The following POLR1C variants were observed in gnomAD, a reference collection of about 807,000 sequenced individuals.
POLR1C encodes RNA polymerase I and III subunit C.
POLR1C carries 42 observed loss-of-function variants against 38.3 expected under a neutral mutation model. That is an observed-to-expected ratio of 1.10 (90% CI 0.86 to 1.42). POLR1C has a LOEUF of 1.42. POLR1C is among the 40% of genes most tolerant of loss of function. The probability of loss-of-function intolerance (pLI) is 0.00; values close to 1 mark genes in which losing one functional copy is unlikely to be tolerated. For synonymous variants in POLR1C, 163 were observed against 163.9 expected, an observed-to-expected ratio of 0.99 and a Z score of 0.04; for missense variants, 507 against 450.5, an observed-to-expected ratio of 1.13 and a Z score of -1.14.
chr6:43,548,133 A>G (rs1795053692), intron 9 of POLR1C: 4 of 953,106 alleles, frequency 4.2e-6, no homozygotes, highest in Non-Finnish European at 6.1e-6. Context: ...CTTTTAGAGA[A>G]CTTCAGATAT....
rs888334484 is a variant in POLR1C at position 43,517,326 on chromosome 6, C to T, written c.90C>T (p.Pro30=). 3.1e-6 allele frequency: 5 copies of T among 1,614,088 alleles called. No homozygotes were observed. Among genetic ancestry groups the T allele is most frequent in the African/African-American group, 1.3e-5 (1 of 75,014 alleles). ...TCTAGGTCCATACTACTGACTTTCC[C>T]GGTAACTATTCCGGTTATGATGATG... The part of the protein sequence containing the change: ...GVRNVHTTDF[P]GNYSGYDDAW... Residue 30 remains proline (P), a synonymous_variant, in exon 2 of 9, where the codon CCC becomes CCT. Transcript: ENST00000642195.
At chr6:43,562,304 A>G in exon 11 of POLR1C, 1 of 1,610,020 alleles carries the variant, frequency 6.2e-7, no homozygotes, top group Non-Finnish European at 8.5e-7. Flanking sequence ...GCCTCTTCAG[A>G]AAGACGTAGT....
chr6:43,528,819 AT>A, intron 8 of POLR1C: 1 of 1,612,728 alleles, frequency 6.2e-7, no homozygotes, highest in Non-Finnish European at 8.5e-7. Context: ...TTCCTGACTT[AT>A]CTCTTACCAT....
At chr6:43,546,223 C>A (rs1211817776) in intron 9 of POLR1C, among the ~76,000 whole-genome samples, 1 of 152,042 alleles carries the variant, frequency 6.6e-6, no homozygotes, top group Non-Finnish European at 1.5e-5. Flanking sequence ...AAGGCAACTG[C>A]CCTGCTCCCA....
chr6:43,538,139 CTTTTTTTTTTTT>C (rs1160662301), intron 9 of POLR1C, among the ~76,000 whole-genome samples: 22 of 48,936 alleles, frequency 4.5e-4, no homozygotes, highest in East Asian at 1.6e-3. Flanking sequence ...TAAGAGACAT[CTTTTTTTTTTTT>C]TTTTTTTTTT....
chr6:43,558,548 G>A (rs1276782971), intron 10 of POLR1C: 1 of 1,604,376 alleles, frequency 6.2e-7, no homozygotes, highest in East Asian at 2.2e-5. Context: ...ATCAAACCGA[G>A]AATATTCACA....
At chr6:43,548,827 T>C (rs994180610) in intron 9 of POLR1C, among the ~76,000 whole-genome samples, 2 of 151,838 alleles carry the variant, frequency 1.3e-5, no homozygotes, top group Admixed American at 1.3e-4. Flanking sequence ...AATGTTAAAT[T>C]TCTTATAACC....
intron 8 of POLR1C, chr6:43,529,014 C>G: frequency 7.8e-7 from 1 of 1,283,712 alleles, no homozygotes; most frequent in South Asian, 1.4e-5. Context: ...AGAATCAATC[C>G]CTAAAGGATT....
chr6:43,530,748 G>C (rs759491157), downstream of POLR1C: 1 of 1,614,024 alleles, frequency 6.2e-7, no homozygotes, highest in East Asian at 2.2e-5. Flanking sequence ...GCTGAGCTGA[G>C]AAGCTGGGTA....
intron 8 of POLR1C, chr6:43,528,256 C>T (rs373197283): frequency 1.0e-5 from 16 of 1,524,626 alleles, no homozygotes; most frequent in African/African-American, 1.4e-5. Context: ...AGGATTGGAA[C>T]ACATAATATC....
chr6:43,520,812 A>G (rs1012780248), intron 7 of POLR1C, 38 bp downstream of exon 7: 1 of 1,612,492 alleles, frequency 6.2e-7, no homozygotes, highest in South Asian at 1.1e-5. Context: ...TAGGACCTAA[A>G]TTATATTTTC....
intron 9 of POLR1C, among the ~76,000 whole-genome samples, chr6:43,545,869 C>T (rs1050829551): frequency 3.3e-5 from 5 of 152,154 alleles, no homozygotes; most frequent in African/African-American, 1.2e-4. Flanking sequence ...TACTGGCCTA[C>T]TTCCACTTGA....
intron 10 of POLR1C, chr6:43,555,493 A>G (rs1762031590): frequency 1.1e-5 from 2 of 178,218 alleles, no homozygotes; most frequent in South Asian, 2.7e-4. Flanking sequence ...CTTTGGCTGA[A>G]AAGTTTTAAA....
chr6:43,530,667 TAG>T, downstream of POLR1C: 1 of 1,610,684 alleles, frequency 6.2e-7, no homozygotes, highest in Non-Finnish European at 8.5e-7. Context: ...TTGGGTTATG[TAG>T]AGACTTTTGA....
chr6:43,523,754 C>T (rs1377102230), downstream of POLR1C: 1 of 1,560,598 alleles, frequency 6.4e-7, no homozygotes, highest in Non-Finnish European at 8.8e-7. Flanking sequence ...GATCTCTTTC[C>T]AGGCTGACAG....
In POLR1C at chr6:43,520,340, A is replaced by G. The variant is rs772651558; in HGVS notation, c.568A>G (p.Ile190Val). 9 of 1,613,422 alleles carry G rather than the reference A, an allele frequency of 5.6e-6. No individual in the cohort carries two copies. The highest frequency in any genetic ancestry group is 2.7e-5 in the African/African-American group (2 of 74,922). The change falls in exon 6 of 9, where the codon ATC becomes GTC. Residue 190 changes from isoleucine (I) to valine (V), a missense_variant. By Grantham distance (29) the Ile-to-Val change is conservative. Transcript: ENST00000642195. ...GGCTGATCTCTTTCCAGAGGGCACT[A>G]TCCGACCAGTGCATGATGATATCCT... ...NQADLFPEGT[I>V]RPVHDDILIA...
At chr6:43,548,526 C>G in intron 9 of POLR1C, 1 of 1,367,812 alleles carries the variant, frequency 7.3e-7, no homozygotes, top group South Asian at 1.8e-5. Context: ...AGGTGGCTTA[C>G]TCAAGGAAGA....
intron 9 of POLR1C, among the ~76,000 whole-genome samples, chr6:43,538,191 T>A (rs1316482351): frequency 1.7e-5 from 2 of 121,192 alleles, no homozygotes; most frequent in African/African-American, 6.2e-5. Flanking sequence ...GCTCTGTCGC[T>A]CAGGCTGGAG....
chr6:43,553,259 G>T, intron 10 of POLR1C: 1 of 1,309,866 alleles, frequency 7.6e-7, no homozygotes, highest in Non-Finnish European at 1.0e-6. Context: ...CTATGATTGT[G>T]CCACTGCATT....
Sources: gnomAD v4.1 joint callset for allele counts (sites outside exome capture counted in the v4.1 genomes callset) on GRCh38, gnomAD v4.1.1 for gene constraint, MANE v1.5 for transcripts, NCBI Gene and HGNC (gene_info 2026-07-23, HGNC 2026-07-21) for gene names.